MICAL3: variants seen among roughly 807,000 people sequenced by gnomAD.
MICAL3 encodes [F-actin]-monooxygenase MICAL3.
A neutral mutation model predicts 207.4 loss-of-function variants in MICAL3; 62 were observed. The observed-to-expected ratio is 0.30, with a 90% CI of 0.24 to 0.37. MICAL3 has a LOEUF of 0.37. Ranked by LOEUF, MICAL3 falls within the 10% of genes least tolerant of loss-of-function variation. The probability of loss-of-function intolerance (pLI) is 1.00; values close to 1 mark genes in which losing one functional copy is unlikely to be tolerated. For missense variants in MICAL3, 2,368 were observed against 2,635.6 expected, an observed-to-expected ratio of 0.90 and a Z score of 2.22; for synonymous variants, 1,077 against 1,069.3, an observed-to-expected ratio of 1.01 and a Z score of -0.14.
intron 1 of MICAL3, among the ~76,000 whole-genome samples, chr22:17,952,171 T>C (rs530027022): frequency 6.6e-6 from 1 of 152,322 alleles, no homozygotes; most frequent in South Asian, 2.1e-4. Flanking sequence ...TCCTTTTCTG[T>C]ACAAAGACAG....
chr22:17,959,325 G>GT (rs990048766), intron 1 of MICAL3, among the ~76,000 whole-genome samples: 7 of 145,668 alleles, frequency 4.8e-5, no homozygotes, highest in African/African-American at 7.7e-5. Flanking sequence ...ATCGGCCTGG[G>GT]TTTTTTTGAA....
At chr22:18,000,246 GGA>G (rs148966353) in intron 1 of MICAL3, among the ~76,000 whole-genome samples, 68,892 of 148,406 alleles carry the variant, frequency 0.46, 15,887 homozygotes, top group East Asian at 0.58. Context: ...AAGCTTAGGG[GGA>G]AAAAAAAAAA....
chr22:17,796,317 G>A lies in MICAL3; in HGVS notation c.5651-5016C>T, dbSNP rs2061876217. ...GACACCTGGCGGGCAGGCAGTGCCT[G>A]TCACCAAATTTCAAAAAGCAACAGT... On this transcript the variant is annotated intron_variant, in intron 29 of 31. Coordinates refer to ENST00000441493, the MANE Select transcript of MICAL3 (RefSeq NM_015241.3). The surrounding 1 kb of genome is among the most constrained non-coding windows in gnomAD (Gnocchi z 4.4). Among the ~76,000 whole-genome samples the A allele has an allele frequency of 6.6e-6, 1 of 152,228 alleles. No individual in the cohort carries two copies. Among genetic ancestry groups the A allele is most frequent in the Admixed American group, 6.5e-5 (1 of 15,288 alleles).
intron 7 of MICAL3, among the ~76,000 whole-genome samples, chr22:17,897,962 T>C (rs1930991959): frequency 6.6e-6 from 1 of 152,230 alleles, no homozygotes; most frequent in Admixed American, 6.5e-5. Context: ...GTGGCCATGA[T>C]GGTCCTTTCA....
chr22:17,874,285 G>A (rs1364994011), intron 16 of MICAL3, among the ~76,000 whole-genome samples: 1 of 152,182 alleles, frequency 6.6e-6, no homozygotes, highest in Admixed American at 6.5e-5. Flanking sequence ...CTTCTTTAGG[G>A]ACACTAAAGA....
intron 16 of MICAL3, 113 bp downstream of exon 16, chr22:17,885,765 C>T: frequency 5.3e-6 from 6 of 1,130,426 alleles, no homozygotes; most frequent in South Asian, 4.3e-5. Context: ...AGCCAGATGC[C>T]AGCCCACGAA....
At chr22:17,826,407 G>C in intron 22 of MICAL3, 4 of 962,238 alleles carry the variant, frequency 4.2e-6, no homozygotes, top group Non-Finnish European at 4.9e-6. Flanking sequence ...GAGCCGCCTA[G>C]AGAGAGGTTA....
intron 16 of MICAL3, chr22:17,876,400 C>T (rs1187728490): frequency 6.6e-6 from 1 of 152,448 alleles, no homozygotes; most frequent in Non-Finnish European, 1.5e-5. Context: ...ATTGGTCACA[C>T]TCCCTACCTC....
At chr22:17,810,875 A>G in intron 27 of MICAL3, 62 bp from the exon 28 acceptor site, 1 of 1,374,910 alleles carries the variant, frequency 7.3e-7, no homozygotes. Context: ...AGGGGTGGGC[A>G]GCAGGCCAAC....
chr22:17,922,896 A>G (rs1257760286), intron 1 of MICAL3, among the ~76,000 whole-genome samples: 1 of 152,216 alleles, frequency 6.6e-6, no homozygotes, highest in African/African-American at 2.4e-5. Context: ...GCAGAAATAA[A>G]TCTAGACAAC....
At chr22:17,909,565 T>C (rs1931978990) in intron 1 of MICAL3, among the ~76,000 whole-genome samples, 1 of 152,162 alleles carries the variant, frequency 6.6e-6, no homozygotes. Context: ...TTAACACACA[T>C]AGCTTCTCTC....
rs2305007 is a variant in MICAL3, at chr22:17,899,216, G to A, written c.948+232C>T. 3,148 of 573,816 alleles carry A rather than the reference G, an allele frequency of 5.5e-3. 140 individuals are homozygous for A. The Admixed American group carries it at 0.066, about 12-fold the overall frequency. The allele number at this position is 573,816 out of a possible 1,614,324, so 35.5% of individuals were successfully genotyped here. A position where few individuals can be genotyped will look rare whatever the true frequency, so the allele number is the denominator to read the frequency against. The stretch of plus-strand genomic sequence containing the variant: ...GTGTTGAGAACTGTGAAAGCTGGAC[G>A]GTAGGTACGTGAGGGTTCATTACAC... On this transcript the variant is annotated intron_variant, in intron 7 of 31. Transcript: ENST00000441493.
chr22:17,863,575 T>G, intron 19 of MICAL3: 1 of 985,442 alleles, frequency 1.0e-6, no homozygotes, highest in Non-Finnish European at 1.2e-6. Flanking sequence ...GGCTATAAAA[T>G]GTTGGTCCCA....
At chr22:17,884,007 C>T (rs1354700553) in intron 16 of MICAL3, among the ~76,000 whole-genome samples, 1 of 152,188 alleles carries the variant, frequency 6.6e-6, no homozygotes, top group Non-Finnish European at 1.5e-5. Flanking sequence ...CTTGGGTGAG[C>T]CACCTACCAC....
chr22:17,911,047 G>A (rs148086339), intron 1 of MICAL3, among the ~76,000 whole-genome samples: 47 of 152,314 alleles, frequency 3.1e-4, no homozygotes, highest in African/African-American at 1.0e-3. Context: ...GGTGATGCCA[G>A]GTTTCCAGGC....
chr22:17,906,330 G>A (rs572130785), intron 2 of MICAL3, among the ~76,000 whole-genome samples: 48 of 152,324 alleles, frequency 3.2e-4, no homozygotes, highest in African/African-American at 1.1e-3. Context: ...GCTAGGTTGT[G>A]GCTAGACTTT....
chr22:17,803,363 G>A (rs2061959078), intron 29 of MICAL3, among the ~76,000 whole-genome samples: 1 of 152,142 alleles, frequency 6.6e-6, no homozygotes. Context: ...TGGGAGAAAC[G>A]AGACCACGAC....
chr22:17,928,073 GC>G (rs756264511), intron 1 of MICAL3, among the ~76,000 whole-genome samples: 2 of 152,290 alleles, frequency 1.3e-5, no homozygotes, highest in South Asian at 4.1e-4. Flanking sequence ...TTTACTATAT[GC>G]AGCATAGCGT....
At chr22:17,862,177 G>A in intron 19 of MICAL3, 1 of 985,378 alleles carries the variant, frequency 1.0e-6, no homozygotes, top group Non-Finnish European at 1.2e-6. Context: ...GCACAGTAGA[G>A]GCGGTTACCA....
Sources: allele counts gnomAD v4.1 joint callset (sites outside exome capture counted in the v4.1 genomes callset), GRCh38; gene constraint gnomAD v4.1.1; non-coding constraint Gnocchi (gnomAD v3.1); transcripts MANE v1.5; gene names NCBI Gene and HGNC (gene_info 2026-07-23, HGNC 2026-07-21).